Variants in DKK2 observed in about 807,000 individuals in gnomAD.
DKK2 encodes the protein dickkopf-related protein 2.
A neutral mutation model predicts 28.1 loss-of-function variants in DKK2; 11 were observed. That is an observed-to-expected ratio of 0.39 (90% CI 0.25 to 0.65). DKK2 has a LOEUF of 0.65. DKK2 is among the 30% of genes least tolerant of loss of function. The pLI, the probability that DKK2 is intolerant of heterozygous loss-of-function variation, is 0.47. For missense variants in DKK2, 326 were observed against 335.5 expected (o/e 0.97, Z 0.22); for synonymous variants, 135 against 126.5 (o/e 1.07, Z -0.45).
At chr4:107,027,756 A>ATTTTTTGTTTTTTTTTTTTTTTTTTTTTT (rs1723807693) in intron 1 of DKK2, among the ~76,000 whole-genome samples, 1 of 135,306 alleles carries the variant, frequency 7.4e-6, no homozygotes, top group African/African-American at 2.8e-5. Flanking sequence ...ACCTATTATG[A>ATTTTTTGTTTTTTTTTTTTTTTTTTTTTT]TTTTTTTTTT....
At chr4:106,985,054 A>G (rs563432887) in intron 1 of DKK2, among the ~76,000 whole-genome samples, 1 of 151,840 alleles carries the variant, frequency 6.6e-6, no homozygotes, top group East Asian at 1.9e-4. Context: ...CTAAAAATAC[A>G]AAAATTTAGC....
At chr4:107,002,902 C>T (rs1723382957) in intron 1 of DKK2, among the ~76,000 whole-genome samples, 1 of 152,142 alleles carries the variant, frequency 6.6e-6, no homozygotes, top group Non-Finnish European at 1.5e-5. Context: ...CATCTCTTAG[C>T]ATTGTTGTGG....
At chr4:106,991,700 T>C (rs1723206276) in intron 1 of DKK2, among the ~76,000 whole-genome samples, 1 of 152,124 alleles carries the variant, frequency 6.6e-6, no homozygotes, top group Non-Finnish European at 1.5e-5. Flanking sequence ...CCCCAACACA[T>C]ACGCATACAC....
At chr4:106,945,377 A>G (rs1434193664) in intron 1 of DKK2, among the ~76,000 whole-genome samples, 2 of 152,140 alleles carry the variant, frequency 1.3e-5, no homozygotes, top group African/African-American at 4.8e-5. Flanking sequence ...GAAATTACAG[A>G]TTTTCAAACA....
chr4:107,028,044 G>A (rs1578383951), intron 1 of DKK2, among the ~76,000 whole-genome samples: 1 of 152,060 alleles, frequency 6.6e-6, no homozygotes, highest in African/African-American at 2.4e-5. Flanking sequence ...GAGCCACCGC[G>A]CCCTGCCATG....
chr4:107,002,816 A>G (rs1723378411), intron 1 of DKK2, among the ~76,000 whole-genome samples: 1 of 152,206 alleles, frequency 6.6e-6, no homozygotes, highest in Admixed American at 6.5e-5. Context: ...TGTGACACTT[A>G]CAAACTGTGT....
At chr4:106,984,545 T>C (rs1236607364) in intron 1 of DKK2, among the ~76,000 whole-genome samples, 2 of 152,222 alleles carry the variant, frequency 1.3e-5, no homozygotes, top group Non-Finnish European at 2.9e-5. Context: ...AATAATCTTA[T>C]ATTGTATGTA....
chr4:106,946,900 G>T (rs1468708525), intron 1 of DKK2, among the ~76,000 whole-genome samples: 1 of 152,000 alleles, frequency 6.6e-6, no homozygotes, highest in African/African-American at 2.4e-5. Flanking sequence ...GAGCTAACAG[G>T]AAAACACATG....
intron 1 of DKK2, 124 bp from the exon 2 acceptor site, chr4:106,926,073 C>CT: frequency 9.5e-7 from 1 of 1,052,588 alleles, no homozygotes; most frequent in Admixed American, 3.3e-5. Flanking sequence ...GGAACTATAC[C>CT]ATCATCATAA....
chr4:106,932,640 T>C (rs1724520649), intron 1 of DKK2, among the ~76,000 whole-genome samples: 1 of 152,164 alleles, frequency 6.6e-6, no homozygotes, highest in South Asian at 2.1e-4. Flanking sequence ...TTCCACTCCA[T>C]GCTCAAAAAG....
At chr4:106,933,929 G>A (rs762962120) in intron 1 of DKK2, among the ~76,000 whole-genome samples, 4 of 151,902 alleles carry the variant, frequency 2.6e-5, no homozygotes, top group Non-Finnish European at 2.9e-5. Flanking sequence ...TAACATATGG[G>A]TTCAGAAATG....
chr4:106,934,076 C>T (rs1724543130), intron 1 of DKK2, among the ~76,000 whole-genome samples: 1 of 151,514 alleles, frequency 6.6e-6, no homozygotes. Context: ...CACACACACA[C>T]ACACACACAC....
intron 1 of DKK2, among the ~76,000 whole-genome samples, chr4:106,988,747 A>C (rs1452670345): frequency 6.6e-6 from 1 of 152,230 alleles, no homozygotes; most frequent in Non-Finnish European, 1.5e-5. Context: ...AGGAGGATCA[A>C]ATTATTTCTA....
chr4:106,966,473 A>G (rs576941645), intron 1 of DKK2, among the ~76,000 whole-genome samples: 2 of 152,158 alleles, frequency 1.3e-5, no homozygotes, highest in Non-Finnish European at 2.9e-5. Context: ...TTTCCTAAGA[A>G]TGTATTTGTA....
intron 1 of DKK2, among the ~76,000 whole-genome samples, chr4:106,941,918 A>T (rs1724705450): frequency 6.6e-6 from 1 of 152,144 alleles, no homozygotes; most frequent in Admixed American, 6.6e-5. Flanking sequence ...AATAATCAAT[A>T]TCTCAGTACA....
intron 1 of DKK2, among the ~76,000 whole-genome samples, chr4:106,980,053 T>C (rs12507824): frequency 0.2 from 30,468 of 152,152 alleles, 3,353 homozygotes; most frequent in East Asian, 0.42. Flanking sequence ...CTTATATTAC[T>C]GAAAACTTCT....
intron 1 of DKK2, among the ~76,000 whole-genome samples, chr4:106,948,957 T>C (rs763680863): frequency 1.2e-4 from 19 of 152,214 alleles, no homozygotes; most frequent in Non-Finnish European, 8.8e-5. Context: ...TTGAAGTGCC[T>C]GGGACTTTTG....
At chr4:106,995,547 G>T (rs1723258836) in intron 1 of DKK2, among the ~76,000 whole-genome samples, 1 of 152,118 alleles carries the variant, frequency 6.6e-6, no homozygotes. Context: ...ACATAATGTA[G>T]GAGGAAAAGC....
At position 107,035,238 on chromosome 4, in the gene DKK2, C is replaced by T; in HGVS notation, c.222+132G>A. ...CCACGCAGACCCTGTTCGGTGAATCCCTCCCCAGCCGCCTGTTCTCTGTAT... is the reference window on the plus strand; with the variant it reads ...CCACGCAGACCCTGTTCGGTGAATCTCTCCCCAGCCGCCTGTTCTCTGTAT... On this transcript the variant is annotated intron_variant, in intron 1 of 3. Transcript: ENST00000285311. 10 of 1,092,268 alleles carry T rather than the reference C, an allele frequency of 9.2e-6. No individual in the cohort carries two copies. The South Asian group carries it at 1.6e-4, about 17-fold the overall frequency. The allele number at this position is 1,092,268 out of a possible 1,614,324, so 67.7% of individuals were successfully genotyped here. A position where few individuals can be genotyped will look rare whatever the true frequency, so the allele number is the denominator to read the frequency against.
Sources: allele counts gnomAD v4.1 joint callset (sites outside exome capture counted in the v4.1 genomes callset), GRCh38; gene constraint gnomAD v4.1.1; transcripts MANE v1.5; gene names NCBI Gene and HGNC (gene_info 2026-07-23, HGNC 2026-07-21).